RGS5: variants seen among roughly 807,000 people sequenced by gnomAD.
The protein encoded by RGS5 is regulator of G-protein signalling 5.
Under a neutral mutation model 18.9 loss-of-function variants are expected in RGS5, and 20 were observed. That is an observed-to-expected ratio of 1.06 (90% CI 0.74 to 1.54). The LOEUF is 1.54. RGS5 is among the 40% of genes most tolerant of loss of function. The pLI, the probability that RGS5 is intolerant of heterozygous loss-of-function variation, is 0.00. For missense variants in RGS5, 201 were observed against 211.8 expected, an observed-to-expected ratio of 0.95 and a Z score of 0.32; for synonymous variants, 57 against 76.2, an observed-to-expected ratio of 0.75 and a Z score of 1.31.
Position 163,152,585 on chromosome 1 carries a change from A to T in RGS5, c.349T>A (p.Tyr117Asn). 6.2e-7 allele frequency: 1 copy of T among 1,612,926 alleles called. No homozygotes were observed. The highest frequency in any genetic ancestry group is 8.5e-7 in the Non-Finnish European group (1 of 1,179,292). The change falls in exon 4 of 5, where the codon TAT becomes AAT. Residue 117 changes from tyrosine (Y) to asparagine (N), a missense_variant. Transcript: ENST00000313961. Reference protein sequence around the residue: ...AKMAEKAKQIYEEFIQTEAPK... With the variant: ...AKMAEKAKQINEEFIQTEAPK... ...GCCTCCGTTTGAATGAATTCTTCAT[A>T]AATTTGCTTTGCCTTCTCAGCCATC...
chr1:163,262,469 C>T (rs995288815), intron 2 of RGS5, among the ~76,000 whole-genome samples: 7 of 67,244 alleles, frequency 1.0e-4, no homozygotes, highest in Admixed American at 1.8e-4. Context: ...CATCCATGTC[C>T]CTACAAAGGA....
intron 4 of RGS5, among the ~76,000 whole-genome samples, chr1:163,149,133 T>C (rs1657272132): frequency 6.6e-6 from 1 of 152,242 alleles, no homozygotes; most frequent in South Asian, 2.1e-4. Flanking sequence ...ATGTACTTTA[T>C]GCAGGCCTGT....
At position 163,146,039 on chromosome 1, in the gene RGS5, A is replaced by AAAG. The variant is rs1422130998; in HGVS notation, c.*1300_*1302dup. The AAAG allele has an allele frequency of 9.2e-5, 14 of 152,186 alleles. No individual in the cohort carries two copies. The highest frequency in any genetic ancestry group is 1.8e-4 in the Non-Finnish European group (12 of 68,034). 9.4% of individuals were successfully genotyped at this position (152,186 alleles called of 1,614,324 possible). A position where few individuals can be genotyped will look rare whatever the true frequency, so the allele number is the denominator to read the frequency against. The stretch of plus-strand genomic sequence containing the variant: ...GAATCATTATTTAATCAAATCTACT[A>AAAG]AAGATTAGAAAAAATTCTAGCAAGA... On this transcript the variant is annotated 3_prime_UTR_variant, in exon 5 of 5. Transcript: ENST00000313961.
intron 2 of RGS5, among the ~76,000 whole-genome samples, chr1:163,230,162 ATAAT>A (rs1231746122): frequency 6.6e-6 from 1 of 152,212 alleles, no homozygotes; most frequent in Non-Finnish European, 1.5e-5. Flanking sequence ...GGAGATGTTT[ATAAT>A]TAGAGATAAA....
At chr1:163,245,415 T>A (rs1268641245) in intron 2 of RGS5, among the ~76,000 whole-genome samples, 1 of 152,238 alleles carries the variant, frequency 6.6e-6, no homozygotes, top group Non-Finnish European at 1.5e-5. Context: ...AAGAAACCTA[T>A]CTATATTTTT....
intron 1 of RGS5, among the ~76,000 whole-genome samples, chr1:163,175,067 T>C (rs1457552728): frequency 6.6e-6 from 1 of 152,198 alleles, no homozygotes; most frequent in Non-Finnish European, 1.5e-5. Flanking sequence ...TGCTTCCTTC[T>C]GAAGAAACAC....
intron 2 of RGS5, among the ~76,000 whole-genome samples, chr1:163,278,811 C>T (rs1006377575): frequency 6.6e-6 from 1 of 151,990 alleles, no homozygotes; most frequent in African/African-American, 2.4e-5. Flanking sequence ...AAACTCACTT[C>T]TCTTGTAAAT....
chr1:163,252,258 T>C (rs1648130447), intron 2 of RGS5, among the ~76,000 whole-genome samples: 1 of 151,156 alleles, frequency 6.6e-6, no homozygotes, highest in South Asian at 2.1e-4. Context: ...ATGTAATGCC[T>C]TTCTTGTCTT....
At chr1:163,316,348 C>T (rs1163850321) in intron 1 of RGS5, among the ~76,000 whole-genome samples, 1 of 152,136 alleles carries the variant, frequency 6.6e-6, no homozygotes, top group African/African-American at 2.4e-5. Context: ...TAATACAGTA[C>T]ATAGTTTCAA....
intron 2 of RGS5, among the ~76,000 whole-genome samples, chr1:163,229,459 G>T (rs947982945): frequency 2.0e-5 from 3 of 152,086 alleles, no homozygotes; most frequent in Non-Finnish European, 2.9e-5. Context: ...ATGTGGGTGG[G>T]GACACAGAGC....
intron 1 of RGS5, among the ~76,000 whole-genome samples, chr1:163,195,366 C>A (rs868108090): frequency 1.3e-5 from 2 of 151,288 alleles, no homozygotes; most frequent in Non-Finnish European, 2.9e-5. Context: ...TAAGTGGGAG[C>A]TAAGCTATGA....
At chr1:163,234,411 A>G (rs1647566560) in intron 2 of RGS5, among the ~76,000 whole-genome samples, 1 of 152,120 alleles carries the variant, frequency 6.6e-6, no homozygotes, top group Non-Finnish European at 1.5e-5. Context: ...TCAATTTTTC[A>G]ATATTTTCTT....
At chr1:163,263,508 T>G (rs1648503691) in intron 2 of RGS5, among the ~76,000 whole-genome samples, 1 of 152,166 alleles carries the variant, frequency 6.6e-6, no homozygotes, top group Non-Finnish European at 1.5e-5. Flanking sequence ...CCACTATTAC[T>G]GGGTAGGAAA....
intron 2 of RGS5, among the ~76,000 whole-genome samples, chr1:163,165,796 C>T (rs1179536518): frequency 6.6e-6 from 1 of 152,106 alleles, no homozygotes; most frequent in African/African-American, 2.4e-5. Context: ...ATCCCAGCTA[C>T]TCAGGAGGCT....
At chr1:163,194,243 G>C (rs1659471891) in intron 1 of RGS5, among the ~76,000 whole-genome samples, 1 of 152,006 alleles carries the variant, frequency 6.6e-6, no homozygotes, top group Non-Finnish European at 1.5e-5. Flanking sequence ...AGAAATATGG[G>C]GTTCTTAATT....
intron 2 of RGS5, among the ~76,000 whole-genome samples, chr1:163,259,043 T>G (rs1648353298): frequency 6.6e-6 from 1 of 152,142 alleles, no homozygotes; most frequent in South Asian, 2.1e-4. Context: ...AGGTGTTCCA[T>G]GTATATAACA....
intron 2 of RGS5, chr1:163,237,326 T>G (rs1043587594): frequency 6.4e-6 from 1 of 155,168 alleles, no homozygotes; most frequent in Non-Finnish European, 1.5e-5. Flanking sequence ...AGAATTCCAG[T>G]CACTTTTCTC....
At chr1:163,157,583 A>G (rs1657634789) in intron 3 of RGS5, among the ~76,000 whole-genome samples, 2 of 152,236 alleles carry the variant, frequency 1.3e-5, no homozygotes, top group African/African-American at 4.8e-5. Flanking sequence ...TTGGGGAACT[A>G]TTTAACACAT....
chr1:163,184,210 C>CACTTTTCTAGACTGTAG (rs1213814562), intron 1 of RGS5, among the ~76,000 whole-genome samples: 1 of 152,090 alleles, frequency 6.6e-6, no homozygotes, highest in Admixed American at 6.6e-5. Context: ...AGGCTGAGTA[C>CACTTTTCTAGACTGTAG]ACTTTTCTAG....
Sources: allele counts gnomAD v4.1 joint callset (sites outside exome capture counted in the v4.1 genomes callset), GRCh38; gene constraint gnomAD v4.1.1; transcripts MANE v1.5; gene names NCBI Gene and HGNC (gene_info 2026-07-23, HGNC 2026-07-21).